SCAMP1: variants seen among roughly 807,000 people sequenced by gnomAD.
SCAMP1 encodes secretory carrier-associated membrane protein 1.
Under a neutral mutation model 41.8 loss-of-function variants are expected in SCAMP1, and 15 were observed. That is an observed-to-expected ratio of 0.36 (90% CI 0.24 to 0.55). The LOEUF (loss-of-function observed/expected upper bound fraction) is 0.55. Among genes scored for constraint, SCAMP1 ranks in the 20% least tolerant of loss-of-function variants. SCAMP1 has a pLI of 0.86. For missense variants in SCAMP1, 341 were observed against 412.6 expected (o/e 0.83, Z 1.50); for synonymous variants, 135 against 136.8 (o/e 0.99, Z 0.09).
At chr5:78,438,018 T>C (rs894609256) in intron 6 of SCAMP1, among the ~76,000 whole-genome samples, 5 of 152,238 alleles carry the variant, frequency 3.3e-5, no homozygotes, top group African/African-American at 1.2e-4. Context: ...GTTCATAGTA[T>C]TCTCTGATGG....
At chr5:78,368,908 G>C (rs909970645) in intron 1 of SCAMP1, among the ~76,000 whole-genome samples, 6 of 151,968 alleles carry the variant, frequency 3.9e-5, no homozygotes, top group Admixed American at 2.6e-4. Context: ...TGTCCAAACA[G>C]ACTTTTAAAA....
Position 78,475,487 on chromosome 5 carries a change from T to A in SCAMP1, c.853-17T>A, listed in dbSNP as rs376938874. ...AGGTTGCTACTTACCTTCTCCCACT[T>A]TTTTGTGCCTCTGTAGGTACATGGA... On this transcript the variant is annotated splice_polypyrimidine_tract_variant and intron_variant, in intron 8 of 8. Transcript: ENST00000621999. 6.5e-7 allele frequency: 1 copy of A among 1,546,558 alleles called. No individual in the cohort carries two copies. The highest frequency in any genetic ancestry group is 1.4e-5 in the African/African-American group (1 of 72,312).
intron 2 of SCAMP1, among the ~76,000 whole-genome samples, chr5:78,406,322 A>G (rs1286651278): frequency 6.6e-6 from 1 of 152,192 alleles, no homozygotes; most frequent in East Asian, 1.9e-4. Flanking sequence ...ATGTCTGTGA[A>G]TATAAATTAA....
At chr5:78,415,644 T>C in intron 3 of SCAMP1, 26 bp downstream of exon 3, 1 of 1,352,106 alleles carries the variant, frequency 7.4e-7, no homozygotes, top group Non-Finnish European at 1.0e-6. Flanking sequence ...TTGTATAAAT[T>C]CATATTGGCC....
intron 1 of SCAMP1, among the ~76,000 whole-genome samples, chr5:78,383,423 C>T (rs936164839): frequency 4.6e-5 from 7 of 152,228 alleles, no homozygotes; most frequent in Middle Eastern, 6.8e-3. Context: ...TGTGCACAAG[C>T]TTTTTAGTTT....
chr5:78,363,697 C>A (rs1234203417), intron 1 of SCAMP1, among the ~76,000 whole-genome samples: 1 of 152,156 alleles, frequency 6.6e-6, no homozygotes, highest in African/African-American at 2.4e-5. Context: ...CTGCAAGCAT[C>A]TTCGTTTGTG....
At chr5:78,467,549 T>TA (rs1753777885) in intron 8 of SCAMP1, among the ~76,000 whole-genome samples, 1 of 152,224 alleles carries the variant, frequency 6.6e-6, no homozygotes, top group African/African-American at 2.4e-5. Flanking sequence ...AAAGTATTGA[T>TA]ATGGATATCA....
At chr5:78,419,232 A>G (rs191511620) in intron 5 of SCAMP1, among the ~76,000 whole-genome samples, 51 of 152,324 alleles carry the variant, frequency 3.3e-4, no homozygotes, top group South Asian at 6.2e-4. Flanking sequence ...CTTGGAAAAA[A>G]TAGTGCATAC....
At chr5:78,405,868 A>T (rs1442993906) in intron 2 of SCAMP1, among the ~76,000 whole-genome samples, 5 of 152,202 alleles carry the variant, frequency 3.3e-5, no homozygotes, top group Non-Finnish European at 5.9e-5. Flanking sequence ...TCCCCAGACA[A>T]TTATCCTAAT....
chr5:78,363,171 C>T (rs564575674), intron 1 of SCAMP1, among the ~76,000 whole-genome samples: 3 of 151,494 alleles, frequency 2.0e-5, no homozygotes, highest in Non-Finnish European at 2.9e-5. Context: ...GGATTACGGG[C>T]GGGAGCCACT....
chr5:78,366,839 A>G lies in SCAMP1; in HGVS notation c.57+6111A>G, dbSNP rs186199898. On this transcript the variant is annotated intron_variant, in intron 1 of 8. Coordinates refer to ENST00000621999, the MANE Select transcript of SCAMP1 (RefSeq NM_004866.6). ...CCATCTCTACTAAAATTTAAAAGTT[A>G]GCTGGGTGTGGTGGTGCACACCTGT... Among the ~76,000 whole-genome samples the G allele has an allele frequency of 4.0e-5, 6 of 148,982 alleles. No individual in the cohort carries two copies. In the East Asian group the frequency reaches 1.2e-3, roughly 31 times the overall value.
At chr5:78,401,205 G>A (rs1055657327) in intron 2 of SCAMP1, among the ~76,000 whole-genome samples, 2 of 152,070 alleles carry the variant, frequency 1.3e-5, no homozygotes, top group Non-Finnish European at 2.9e-5. Flanking sequence ...GGTTTTGTAT[G>A]TGATTCGTTT....
At chr5:78,400,697 T>C (rs1346953456) in intron 2 of SCAMP1, among the ~76,000 whole-genome samples, 2 of 152,238 alleles carry the variant, frequency 1.3e-5, no homozygotes, top group Non-Finnish European at 2.9e-5. Flanking sequence ...ATATTAACTT[T>C]GTGTTGTGCA....
chr5:78,460,820 C>CCTTCCTTCTTTCTTT (rs1580715544), intron 8 of SCAMP1, among the ~76,000 whole-genome samples: 1 of 28,172 alleles, frequency 3.5e-5, no homozygotes, highest in South Asian at 1.8e-3. Flanking sequence ...TTCCTTCCTT[C>CCTTCCTTCTTTCTTT]CTTTCTTGTC....
At chr5:78,429,069 A>AT (rs1335450817) in intron 6 of SCAMP1, among the ~76,000 whole-genome samples, 1 of 152,090 alleles carries the variant, frequency 6.6e-6, no homozygotes, top group Non-Finnish European at 1.5e-5. Flanking sequence ...TATTATGATA[A>AT]TGTCTTCTGC....
intron 2 of SCAMP1, among the ~76,000 whole-genome samples, chr5:78,392,877 A>G (rs1030637498): frequency 2.0e-5 from 3 of 152,208 alleles, no homozygotes; most frequent in Non-Finnish European, 2.9e-5. Flanking sequence ...GTGGTATATT[A>G]GCATTAGACC....
At chr5:78,450,868 A>C (rs2112210267) in intron 7 of SCAMP1, among the ~76,000 whole-genome samples, 1 of 152,344 alleles carries the variant, frequency 6.6e-6, no homozygotes, top group Middle Eastern at 3.4e-3. Context: ...ATTGGCAGAC[A>C]ACTCCTGGCA....
chr5:78,437,595 T>G (rs886554821), intron 6 of SCAMP1, among the ~76,000 whole-genome samples: 1 of 152,232 alleles, frequency 6.6e-6, no homozygotes, highest in Non-Finnish European at 1.5e-5. Context: ...CTTTTTGATG[T>G]GCTGCTGGAT....
chr5:78,460,591 G>GGTT (rs1554047007), intron 8 of SCAMP1, among the ~76,000 whole-genome samples: 7,175 of 96,836 alleles, frequency 0.074, 400 homozygotes, highest in East Asian at 0.45. Context: ...TTTTTAATGG[G>GGTT]GTTTTTTTTT....
Sources: gnomAD v4.1 joint callset for allele counts (sites outside exome capture counted in the v4.1 genomes callset) on GRCh38, gnomAD v4.1.1 for gene constraint, MANE v1.5 for transcripts, NCBI Gene and HGNC (gene_info 2026-07-23, HGNC 2026-07-21) for gene names.